The following STT3B variants were observed in gnomAD, a reference collection of about 807,000 sequenced individuals.
STT3B encodes dolichyl-diphosphooligosaccharide--protein glycosyltransferase subunit STT3B.
Under a neutral mutation model 96.8 loss-of-function variants are expected in STT3B, and 29 were observed. The ratio of observed to expected loss-of-function variants is 0.30; its 90% CI spans 0.22 to 0.41. The LOEUF (loss-of-function observed/expected upper bound fraction) is 0.41. Among genes scored for constraint, STT3B ranks in the 10% least tolerant of loss-of-function variants. STT3B has a pLI of 1.00. For synonymous variants in STT3B, 367 were observed against 360.0 expected, an observed-to-expected ratio of 1.02 and a Z score of -0.22; for missense variants, 640 against 1,022.3, an observed-to-expected ratio of 0.63 and a Z score of 5.10.
intron 8 of STT3B, among the ~76,000 whole-genome samples, chr3:31,618,824 A>T (rs996872085): frequency 6.6e-6 from 1 of 152,100 alleles, no homozygotes; most frequent in African/African-American, 2.4e-5. Flanking sequence ...GTAGAATGTT[A>T]TTCTGATTAG....
chr3:31,571,456 A>G (rs1698133988), intron 1 of STT3B, among the ~76,000 whole-genome samples: 1 of 152,216 alleles, frequency 6.6e-6, no homozygotes, highest in East Asian at 1.9e-4. Flanking sequence ...CCCTTGCACA[A>G]TTCTCATGCC....
intron 3 of STT3B, among the ~76,000 whole-genome samples, chr3:31,582,729 A>G (rs1698438848): frequency 6.6e-6 from 1 of 151,954 alleles, no homozygotes; most frequent in Admixed American, 6.6e-5. Flanking sequence ...GGTGTCTCAT[A>G]AGTTCTGATA....
intron 13 of STT3B, among the ~76,000 whole-genome samples, chr3:31,628,521 G>T (rs1699583778): frequency 6.6e-6 from 1 of 152,088 alleles, no homozygotes; most frequent in Non-Finnish European, 1.5e-5. Context: ...CCATATACAA[G>T]TATCTCTGTA....
intron 1 of STT3B, among the ~76,000 whole-genome samples, chr3:31,559,819 T>C (rs1186357576): frequency 6.6e-6 from 1 of 152,160 alleles, no homozygotes; most frequent in Non-Finnish European, 1.5e-5. Context: ...TATTGGAATA[T>C]ATCTCTTCCA....
intron 1 of STT3B, among the ~76,000 whole-genome samples, chr3:31,554,154 T>C (rs1323216102): frequency 6.6e-6 from 1 of 152,220 alleles, no homozygotes; most frequent in East Asian, 1.9e-4. Context: ...CAGTGCTATA[T>C]TTGTAAACCA....
chr3:31,633,570 G>A (rs575261918), intron 15 of STT3B, among the ~76,000 whole-genome samples: 98 of 152,150 alleles, frequency 6.4e-4, no homozygotes, highest in African/African-American at 2.2e-3. Flanking sequence ...TTTGGGTTGG[G>A]TGAGTCCTTC....
At chr3:31,628,787 G>A (rs1321545730) in intron 13 of STT3B, among the ~76,000 whole-genome samples, 1 of 152,124 alleles carries the variant, frequency 6.6e-6, no homozygotes, top group Admixed American at 6.5e-5. Flanking sequence ...GCCTTACCTG[G>A]TATTAAGCCA....
intron 13 of STT3B, among the ~76,000 whole-genome samples, chr3:31,627,887 T>C (rs1264239784): frequency 6.6e-6 from 1 of 152,014 alleles, no homozygotes; most frequent in African/African-American, 2.4e-5. Context: ...TTAAACTTTG[T>C]GAATAGATAA....
At chr3:31,555,774 T>C (rs1268091285) in intron 1 of STT3B, among the ~76,000 whole-genome samples, 1 of 152,180 alleles carries the variant, frequency 6.6e-6, no homozygotes, top group Non-Finnish European at 1.5e-5. Context: ...TTTATTGATA[T>C]ATAATATTTT....
chr3:31,587,302 C>A (rs1488422461), intron 3 of STT3B, among the ~76,000 whole-genome samples: 2 of 152,084 alleles, frequency 1.3e-5, no homozygotes, highest in African/African-American at 4.8e-5. Context: ...TTTCCATTTT[C>A]ACATCCCCCC....
At chr3:31,579,708 C>A in intron 2 of STT3B, 101 bp from the exon 3 acceptor site, 3 of 946,140 alleles carry the variant, frequency 3.2e-6, no homozygotes, top group South Asian at 2.1e-5. Context: ...TGCTTTCAAA[C>A]TTATGTAAGG....
chr3:31,564,001 A>G (rs149373605), intron 1 of STT3B, among the ~76,000 whole-genome samples: 166 of 152,254 alleles, frequency 1.1e-3, no homozygotes, highest in African/African-American at 3.7e-3. Flanking sequence ...GTGACTGTTG[A>G]TGAAAGACTT....
At chr3:31,552,036 A>G (rs1697573009) in intron 1 of STT3B, among the ~76,000 whole-genome samples, 2 of 152,226 alleles carry the variant, frequency 1.3e-5, no homozygotes, top group East Asian at 3.9e-4. Context: ...CCACATAAGA[A>G]CCCAACCCTG....
At chr3:31,577,650 A>G (rs1329533976) in intron 2 of STT3B, among the ~76,000 whole-genome samples, 1 of 152,098 alleles carries the variant, frequency 6.6e-6, no homozygotes, top group Non-Finnish European at 1.5e-5. Context: ...GTTCTCCATG[A>G]TAGTAAGGTG....
intron 14 of STT3B, among the ~76,000 whole-genome samples, chr3:31,632,439 T>TGCTA (rs1377742492): frequency 6.6e-6 from 1 of 152,154 alleles, no homozygotes; most frequent in African/African-American, 2.4e-5. Context: ...AAGAACAAGA[T>TGCTA]GCTATGAGGA....
intron 12 of STT3B, among the ~76,000 whole-genome samples, chr3:31,625,383 G>A (rs530964260): frequency 3.9e-5 from 6 of 152,250 alleles, no homozygotes; most frequent in Admixed American, 3.9e-4. Flanking sequence ...TATTTTTCGT[G>A]TTATAAACTA....
At chr3:31,592,621 A>G (rs1698691168) in intron 3 of STT3B, among the ~76,000 whole-genome samples, 1 of 152,098 alleles carries the variant, frequency 6.6e-6, no homozygotes, top group Admixed American at 6.6e-5. Context: ...TTTTGATAGT[A>G]GTCATCCTAA....
intron 1 of STT3B, among the ~76,000 whole-genome samples, chr3:31,570,888 A>G (rs1698120171): frequency 6.6e-6 from 1 of 152,138 alleles, no homozygotes; most frequent in African/African-American, 2.4e-5. Flanking sequence ...CAGGGTGACC[A>G]GATACCCTGG....
At chr3:31,555,804 TATC>T (rs1004136348) in intron 1 of STT3B, among the ~76,000 whole-genome samples, 3 of 152,166 alleles carry the variant, frequency 2.0e-5, no homozygotes, top group Non-Finnish European at 4.4e-5. Context: ...ATGGTGTACA[TATC>T]ATATTTTGTA....
Sources: gnomAD v4.1 joint callset for allele counts (sites outside exome capture counted in the v4.1 genomes callset) on GRCh38, gnomAD v4.1.1 for gene constraint, MANE v1.5 for transcripts, NCBI Gene and HGNC (gene_info 2026-07-23, HGNC 2026-07-21) for gene names.